MLLT3: variants seen among roughly 807,000 people sequenced by gnomAD.
The protein encoded by MLLT3 is protein AF-9.
Under a neutral mutation model 53.2 loss-of-function variants are expected in MLLT3, and 4 were observed. The ratio of observed to expected loss-of-function variants is 0.08; its 90% CI spans 0.04 to 0.17. The LOEUF (loss-of-function observed/expected upper bound fraction) is 0.17, where lower values mean the gene tolerates loss of function less well. MLLT3 is among the 10% of genes least tolerant of loss of function. MLLT3 has a pLI of 1.00. For synonymous variants in MLLT3, 283 were observed against 230.6 expected, an observed-to-expected ratio of 1.23 and a Z score of -2.06; for missense variants, 569 against 684.0, an observed-to-expected ratio of 0.83 and a Z score of 1.87.
intron 1 of MLLT3, 91 bp downstream of exon 1, chr9:20,622,154 G>T: frequency 7.2e-7 from 1 of 1,396,152 alleles, no homozygotes; most frequent in Non-Finnish European, 1.0e-6. Flanking sequence ...AATTGGAACC[G>T]CGGAGCGCTG....
chr9:20,519,342 T>C (rs1817998269), intron 2 of MLLT3, among the ~76,000 whole-genome samples: 1 of 152,132 alleles, frequency 6.6e-6, no homozygotes, highest in South Asian at 2.1e-4. Context: ...ACAGGGACAC[T>C]CTATACTATG....
chr9:20,475,942 C>T (rs1307933930), intron 2 of MLLT3, among the ~76,000 whole-genome samples: 1 of 152,110 alleles, frequency 6.6e-6, no homozygotes, highest in Non-Finnish European at 1.5e-5. Context: ...TTCACTGATA[C>T]ATGTTTTTCT....
chr9:20,546,985 T>A (rs551192575), intron 2 of MLLT3, among the ~76,000 whole-genome samples: 1 of 152,284 alleles, frequency 6.6e-6, no homozygotes, highest in Admixed American at 6.5e-5. Flanking sequence ...TTCTTCCCCG[T>A]ATATAAGGCC....
chr9:20,394,255 T>G (rs1177735316), intron 5 of MLLT3, among the ~76,000 whole-genome samples: 1 of 152,056 alleles, frequency 6.6e-6, no homozygotes, highest in Non-Finnish European at 1.5e-5. Flanking sequence ...AGAATTAGAA[T>G]GAAGCTTTCG....
chr9:20,523,819 A>C (rs1818128219), intron 2 of MLLT3, among the ~76,000 whole-genome samples: 1 of 152,084 alleles, frequency 6.6e-6, no homozygotes, highest in Non-Finnish European at 1.5e-5. Flanking sequence ...AAAAATACAA[A>C]AATTTGCCAG....
intron 5 of MLLT3, among the ~76,000 whole-genome samples, chr9:20,366,195 C>T (rs1313320082): frequency 6.6e-6 from 1 of 152,136 alleles, no homozygotes; most frequent in Non-Finnish European, 1.5e-5. Context: ...GCTATCCCTC[C>T]CCTAGCCCCT....
At chr9:20,428,581 C>G (rs906580025) in intron 4 of MLLT3, among the ~76,000 whole-genome samples, 5 of 151,884 alleles carry the variant, frequency 3.3e-5, no homozygotes, top group Admixed American at 3.3e-4. Flanking sequence ...TTTTAGCCAC[C>G]AATCCTCGTC....
intron 5 of MLLT3, among the ~76,000 whole-genome samples, chr9:20,373,791 CTT>C (rs755433749): frequency 1.3e-5 from 2 of 152,110 alleles, no homozygotes; most frequent in East Asian, 3.8e-4. Context: ...AAGATTATCT[CTT>C]CTTTCACAAA....
At chr9:20,546,802 C>T (rs1042501007) in intron 2 of MLLT3, among the ~76,000 whole-genome samples, 1 of 152,222 alleles carries the variant, frequency 6.6e-6, no homozygotes, top group African/African-American at 2.4e-5. Context: ...TACAGGGGAT[C>T]GAGGCTCTTT....
chr9:20,531,646 C>A (rs1337467466), intron 2 of MLLT3, among the ~76,000 whole-genome samples: 1 of 152,144 alleles, frequency 6.6e-6, no homozygotes, highest in Non-Finnish European at 1.5e-5. Flanking sequence ...ATATTAATTT[C>A]AACCAATTTC....
At chr9:20,466,668 T>C (rs749830697) in intron 2 of MLLT3, among the ~76,000 whole-genome samples, 3 of 152,232 alleles carry the variant, frequency 2.0e-5, no homozygotes, top group Non-Finnish European at 4.4e-5. Flanking sequence ...AAATACCTTC[T>C]GATTATCAAA....
intron 2 of MLLT3, among the ~76,000 whole-genome samples, chr9:20,530,759 GT>G (rs1471230761): frequency 1.3e-5 from 2 of 152,104 alleles, no homozygotes; most frequent in Non-Finnish European, 2.9e-5. Flanking sequence ...AGCCTTCCAA[GT>G]AGCTGGGAAT....
At chr9:20,607,679 C>T (rs1820603890) in intron 2 of MLLT3, among the ~76,000 whole-genome samples, 1 of 151,932 alleles carries the variant, frequency 6.6e-6, no homozygotes, top group Admixed American at 6.6e-5. Context: ...GGAAAATGCC[C>T]TTATTTTTAT....
intron 7 of MLLT3, chr9:20,363,273 G>T: frequency 3.9e-6 from 2 of 513,122 alleles, no homozygotes; most frequent in Non-Finnish European, 6.5e-6. Flanking sequence ...AAAATTTTTA[G>T]AGGAAAAGCC....
chr9:20,498,052 T>C (rs1310651773), intron 2 of MLLT3, among the ~76,000 whole-genome samples: 1 of 151,194 alleles, frequency 6.6e-6, no homozygotes, highest in African/African-American at 2.4e-5. Flanking sequence ...TGAAACTTTG[T>C]CTCTACTAAA....
intron 2 of MLLT3, among the ~76,000 whole-genome samples, chr9:20,611,945 T>C (rs1435917856): frequency 6.6e-6 from 1 of 152,186 alleles, no homozygotes; most frequent in African/African-American, 2.4e-5. Context: ...TTTTTTCTAA[T>C]GATTTAATCT....
chr9:20,440,334 C>G (rs555781762), intron 4 of MLLT3, among the ~76,000 whole-genome samples: 2 of 152,206 alleles, frequency 1.3e-5, no homozygotes, highest in South Asian at 4.2e-4. Context: ...ATCCTCAACC[C>G]CTGAAAATGA....
chr9:20,462,094 G>A (rs758286951), intron 2 of MLLT3, among the ~76,000 whole-genome samples: 81 of 152,154 alleles, frequency 5.3e-4, no homozygotes, highest in Admixed American at 2.3e-3. Flanking sequence ...TAGAGCCAGC[G>A]TCTGAAAGTC....
chr9:20,477,261 C>A (rs972119646), intron 2 of MLLT3, among the ~76,000 whole-genome samples: 1 of 152,118 alleles, frequency 6.6e-6, no homozygotes, highest in African/African-American at 2.4e-5. Flanking sequence ...CTCTATTTGT[C>A]ATGATTGGAA....
Sources: gnomAD v4.1 joint callset for allele counts (sites outside exome capture counted in the v4.1 genomes callset) on GRCh38, gnomAD v4.1.1 for gene constraint, MANE v1.5 for transcripts, NCBI Gene and HGNC (gene_info 2026-07-23, HGNC 2026-07-21) for gene names.